The following ATP8A2 variants were observed in gnomAD, a reference collection of about 807,000 sequenced individuals.
ATP8A2 encodes the protein ATPase phospholipid transporting 8A2, also known as phospholipid-transporting ATPase IB.
In ATP8A2, 100 loss-of-function variants were observed where a neutral mutation model predicts 165.6. The observed-to-expected ratio is 0.60, with a 90% CI of 0.51 to 0.71. The LOEUF (loss-of-function observed/expected upper bound fraction) is 0.71, where lower values mean the gene tolerates loss of function less well. ATP8A2 is among the 30% of genes least tolerant of loss of function. The pLI is 0.00. For missense variants in ATP8A2, 1,227 were observed against 1,479.5 expected (o/e 0.83, Z 2.80); for synonymous variants, 543 against 548.8 (o/e 0.99, Z 0.15).
chr13:25,947,464 G>A (rs776341566), intron 33 of ATP8A2, among the ~76,000 whole-genome samples: 8 of 152,112 alleles, frequency 5.3e-5, no homozygotes, highest in Non-Finnish European at 1.0e-4. Context: ...AGTCTTTACC[G>A]TCATCAGTGA....
At chr13:25,945,820 G>A (rs946594117) in intron 33 of ATP8A2, among the ~76,000 whole-genome samples, 1 of 152,202 alleles carries the variant, frequency 6.6e-6, no homozygotes, top group Non-Finnish European at 1.5e-5. Flanking sequence ...GCCTGGTACT[G>A]TGCTGCAGCC....
rs537900170 is a variant in ATP8A2 at position 25,574,765 on chromosome 13, A to G, written c.1663-43A>G. 3.1e-4 allele frequency: 360 copies of G among 1,158,454 alleles called. 2 individuals carry two copies. The South Asian group carries it at 4.1e-3, about 13-fold the overall frequency. The allele number at this position is 1,158,454 out of a possible 1,614,324, so 71.8% of individuals were successfully genotyped here. ...TGGGAGACAATTGCTTTGAGATTTT[A>G]ATACTTTGCACCTCGGTTAAGAGCC... On this transcript the variant is annotated intron_variant, in intron 18 of 36. Coordinates refer to ENST00000381655, the MANE Select transcript of ATP8A2 (RefSeq NM_016529.6).
intron 25 of ATP8A2, among the ~76,000 whole-genome samples, chr13:25,714,499 A>G (rs1193501778): frequency 6.6e-6 from 1 of 152,206 alleles, no homozygotes; most frequent in Non-Finnish European, 1.5e-5. Flanking sequence ...CTAATTATTG[A>G]TAATCTGTCT....
chr13:25,919,019 C>T (rs1954356124), intron 33 of ATP8A2, among the ~76,000 whole-genome samples: 1 of 152,204 alleles, frequency 6.6e-6, no homozygotes, highest in African/African-American at 2.4e-5. Flanking sequence ...ATATGAGCAA[C>T]TGTGTTGCAT....
At chr13:25,753,156 G>GAAAGGGTAGCCA (rs1229232565) in intron 25 of ATP8A2, among the ~76,000 whole-genome samples, 1 of 152,182 alleles carries the variant, frequency 6.6e-6, no homozygotes, top group Admixed American at 6.5e-5. Flanking sequence ...GCTGATCAGA[G>GAAAGGGTAGCCA]AAAGGGTAGC....
At chr13:25,585,614 G>A (rs1215673727) in intron 23 of ATP8A2, among the ~76,000 whole-genome samples, 1 of 151,940 alleles carries the variant, frequency 6.6e-6, no homozygotes, top group African/African-American at 2.4e-5. Context: ...ACATTTTATT[G>A]TGTATAAGGT....
At chr13:25,524,414 C>G (rs1021854324) in intron 2 of ATP8A2, among the ~76,000 whole-genome samples, 2 of 152,074 alleles carry the variant, frequency 1.3e-5, no homozygotes, top group Admixed American at 6.5e-5. Context: ...TGTTCCTTTG[C>G]TGATTTTCTG....
chr13:25,996,209 TTTA>T (rs1314764306), intron 35 of ATP8A2, among the ~76,000 whole-genome samples: 7 of 152,222 alleles, frequency 4.6e-5, no homozygotes, highest in Non-Finnish European at 1.0e-4. Flanking sequence ...GGCTCATGTT[TTTA>T]AATTCACCAT....
chr13:25,816,178 A>T (rs1951014610), intron 27 of ATP8A2, among the ~76,000 whole-genome samples: 1 of 152,202 alleles, frequency 6.6e-6, no homozygotes, highest in African/African-American at 2.4e-5. Flanking sequence ...TATGTTCTGT[A>T]TATTTTACCA....
chr13:25,904,610 C>T (rs1953873602), intron 33 of ATP8A2, among the ~76,000 whole-genome samples: 1 of 152,332 alleles, frequency 6.6e-6, no homozygotes. Context: ...TACTTTCTTT[C>T]CATTCTCTGA....
At chr13:25,663,251 T>G (rs565725727) in intron 24 of ATP8A2, among the ~76,000 whole-genome samples, 2 of 152,252 alleles carry the variant, frequency 1.3e-5, no homozygotes, top group Admixed American at 6.5e-5. Flanking sequence ...CTAATCCTTC[T>G]GAAAGTTAAT....
intron 27 of ATP8A2, among the ~76,000 whole-genome samples, chr13:25,819,933 C>G (rs939440077): frequency 6.6e-6 from 1 of 152,182 alleles, no homozygotes. Context: ...GATGTTATTG[C>G]CACTTCAGTA....
At chr13:25,897,826 T>G (rs1953606559) in intron 33 of ATP8A2, among the ~76,000 whole-genome samples, 1 of 152,250 alleles carries the variant, frequency 6.6e-6, no homozygotes, top group Non-Finnish European at 1.5e-5. Flanking sequence ...GTTGATTGCA[T>G]CGGTTACTGA....
intron 28 of ATP8A2, among the ~76,000 whole-genome samples, chr13:25,830,851 T>G (rs1265717305): frequency 6.6e-6 from 1 of 152,224 alleles, no homozygotes; most frequent in Non-Finnish European, 1.5e-5. Context: ...GCTTAACACT[T>G]TAGTCAATAG....
intron 33 of ATP8A2, among the ~76,000 whole-genome samples, chr13:25,914,832 A>G (rs984145896): frequency 6.6e-6 from 1 of 151,676 alleles, no homozygotes; most frequent in Non-Finnish European, 1.5e-5. Flanking sequence ...CTTTAACTCC[A>G]CCTCTTGACT....
rs557013121 is a variant in ATP8A2 at position 25,686,139 on chromosome 13, A to C, written c.2212-13034A>C. On this transcript the variant is annotated intron_variant, in intron 24 of 36. Coordinates refer to ENST00000381655, the MANE Select transcript of ATP8A2 (RefSeq NM_016529.6). Reference sequence around the variant, plus strand: ...CTGGGTGGTGTTCCATAACTATTCCATGCAGGGCCATGCAGGCTTGGGAGG... The same window carrying C: ...CTGGGTGGTGTTCCATAACTATTCCCTGCAGGGCCATGCAGGCTTGGGAGG... Among the ~76,000 whole-genome samples, 5 of 152,282 alleles carry C rather than the reference A, an allele frequency of 3.3e-5. No homozygotes were observed. The East Asian group carries it at 7.7e-4, about 24-fold the overall frequency.
At chr13:25,937,809 A>G (rs918866014) in intron 33 of ATP8A2, among the ~76,000 whole-genome samples, 5 of 141,738 alleles carry the variant, frequency 3.5e-5, no homozygotes, top group African/African-American at 7.8e-5. Context: ...AGATGGCAAC[A>G]CTGCACTCCA....
At chr13:25,662,922 C>G (rs543851802) in intron 24 of ATP8A2, among the ~76,000 whole-genome samples, 2 of 152,332 alleles carry the variant, frequency 1.3e-5, no homozygotes, top group South Asian at 4.1e-4. Context: ...TGGGTGGCAT[C>G]AGCCCGAATG....
intron 2 of ATP8A2, among the ~76,000 whole-genome samples, chr13:25,522,531 G>A (rs981867881): frequency 2.6e-5 from 4 of 152,146 alleles, no homozygotes; most frequent in Non-Finnish European, 4.4e-5. Context: ...TGAGTATGAT[G>A]TTGATTGTGG....
Sources: allele counts gnomAD v4.1 joint callset (sites outside exome capture counted in the v4.1 genomes callset), GRCh38; gene constraint gnomAD v4.1.1; transcripts MANE v1.5; gene names NCBI Gene and HGNC (gene_info 2026-07-23, HGNC 2026-07-21).